The following TBC1D8B variants were observed in gnomAD, a reference collection of about 807,000 sequenced individuals.
The protein encoded by TBC1D8B is TBC1 domain family member 8B.
A neutral mutation model predicts 82.9 loss-of-function variants in TBC1D8B; 75 were observed. The ratio of observed to expected loss-of-function variants is 0.90; its 90% CI spans 0.75 to 1.10. TBC1D8B has a LOEUF of 1.10. TBC1D8B is among the 50% of genes least tolerant of loss of function. TBC1D8B has a pLI of 0.00. For synonymous variants in TBC1D8B, 276 were observed against 276.8 expected, an observed-to-expected ratio of 1.00 and a Z score of 0.03; for missense variants, 794 against 796.9, an observed-to-expected ratio of 1.00 and a Z score of 0.04.
At chrX:106,869,578 G>T (rs771674159) in intron 19 of TBC1D8B, 37 bp downstream of exon 19, 7 of 1,104,028 alleles carry the variant, frequency 6.3e-6, no homozygotes, top group Non-Finnish European at 8.7e-6. Flanking sequence ...AATTTATTTA[G>T]TTATTTTTAT....
chrX:106,820,623 A>G (rs1010569476), intron 2 of TBC1D8B, among the ~76,000 whole-genome samples: 2 of 111,348 alleles, frequency 1.8e-5, no homozygotes, highest in Non-Finnish European at 3.8e-5. Context: ...TCAGAATTTT[A>G]TATATTTTCT....
At chrX:106,807,959 A>G (rs1931246560) in intron 1 of TBC1D8B, among the ~76,000 whole-genome samples, 3 of 110,588 alleles carry the variant, frequency 2.7e-5, no homozygotes, top group South Asian at 7.9e-4. Context: ...AGGCTAAGGC[A>G]GGAGAATCAC....
At chrX:106,834,275 C>T (rs1932114937) in intron 7 of TBC1D8B, among the ~76,000 whole-genome samples, 1 of 111,184 alleles carries the variant, frequency 9.0e-6, no homozygotes, top group Non-Finnish European at 1.9e-5. Context: ...AAAATGAGTG[C>T]TGAGCGAAGG....
intron 11 of TBC1D8B, chrX:106,849,277 C>T (rs1932537534): frequency 9.2e-7 from 1 of 1,084,579 alleles, no homozygotes; most frequent in East Asian, 3.5e-5. Flanking sequence ...AGTAAGAATC[C>T]AAGGACAATG....
intron 4 of TBC1D8B, 93 bp downstream of exon 4, chrX:106,822,295 G>T: frequency 7.2e-6 from 5 of 695,826 alleles, no homozygotes; most frequent in East Asian, 3.5e-5. Flanking sequence ...TAATAGGATT[G>T]ATATTAAAGG....
chrX:106,822,176 T>C lies in TBC1D8B; in HGVS notation c.560T>C (p.Phe187Ser), dbSNP rs1439429149. The C allele has an allele frequency of 8.3e-7, 1 of 1,202,979 alleles. No individual in the cohort carries two copies. The highest frequency in any genetic ancestry group is 2.3e-5 in the Admixed American group (1 of 44,323). The change falls in exon 4 of 21, where the codon TTC (phenylalanine) becomes TCC (serine). Residue 187 changes from phenylalanine to serine, a missense_variant. By Grantham distance (155) the Phe-to-Ser change is radical. Coordinates refer to ENST00000357242, the MANE Select transcript of TBC1D8B (RefSeq NM_017752.3). ...WLYLSTNFLS[F>S]YSFLLGSEIK... ...TATCTTAGCACCAACTTTCTGAGCT[T>C]CTATTCTTTTTTGTTGGGATCAGAA...
intron 1 of TBC1D8B, chrX:106,814,507 C>T (rs1477915767): frequency 3.8e-5 from 4 of 106,432 alleles, no homozygotes; most frequent in Admixed American, 3.0e-4. Flanking sequence ...AATAAACATA[C>T]GTGTGCATGT....
At chrX:106,843,389 A>G (rs564618018) in intron 10 of TBC1D8B, among the ~76,000 whole-genome samples, 78 of 111,741 alleles carry the variant, frequency 7.0e-4, no homozygotes, top group South Asian at 4.1e-3. Flanking sequence ...TGTATGTACA[A>G]GGATTCTAAT....
chrX:106,824,602 T>G (rs1931785823), intron 5 of TBC1D8B, among the ~76,000 whole-genome samples: 1 of 111,638 alleles, frequency 9.0e-6, no homozygotes. Context: ...TTCATTTCTT[T>G]ATTGGCAACC....
At position 106,871,953 on chromosome X, in the gene TBC1D8B, C is replaced by T. The variant is rs142069930; in HGVS notation, c.2967+1140C>T. ...GTGGAGTTGGGGTGCACCACCCTCC[C>T]GGCATGAGGATGAGTTCTTCTTTAC... On this transcript the variant is annotated intron_variant, in intron 20 of 20. Coordinates refer to ENST00000357242, the MANE Select transcript of TBC1D8B (RefSeq NM_017752.3). Among the ~76,000 whole-genome samples the T allele has an allele frequency of 2.3e-4, 26 of 111,330 alleles. No homozygotes were observed. The East Asian group carries it at 6.0e-3, about 25-fold the overall frequency.
At chrX:106,803,736 A>AC (rs1437507078) in intron 1 of TBC1D8B, among the ~76,000 whole-genome samples, 3 of 111,372 alleles carry the variant, frequency 2.7e-5, no homozygotes, top group African/African-American at 9.8e-5. Context: ...ACCCACCCTG[A>AC]CCCCAATTCT....
intron 14 of TBC1D8B, among the ~76,000 whole-genome samples, chrX:106,863,711 G>GCATTGCC (rs1932794979): frequency 8.9e-6 from 1 of 112,172 alleles, no homozygotes; most frequent in South Asian, 3.7e-4. Flanking sequence ...GCTCTAACAG[G>GCATTGCC]CATTGCCCAC....
intron 1 of TBC1D8B, among the ~76,000 whole-genome samples, chrX:106,805,681 CAA>C (rs1412934728): frequency 1.8e-5 from 2 of 111,974 alleles, no homozygotes; most frequent in Non-Finnish European, 3.8e-5. Flanking sequence ...AAGAAAGAAA[CAA>C]AGAGGTGCTT....
intron 1 of TBC1D8B, among the ~76,000 whole-genome samples, chrX:106,805,442 C>G (rs770093136): frequency 1.8e-5 from 2 of 110,694 alleles, no homozygotes; most frequent in East Asian, 5.7e-4. Context: ...TACCTCTATC[C>G]TGCCCACTCC....
At chrX:106,822,663 A>G (rs772385276) in intron 4 of TBC1D8B, among the ~76,000 whole-genome samples, 5 of 111,220 alleles carry the variant, frequency 4.5e-5, no homozygotes, top group African/African-American at 9.8e-5. Flanking sequence ...ATATAAAGAG[A>G]TAGATTTAAA....
chrX:106,820,492 C>T (rs369362879), intron 2 of TBC1D8B, among the ~76,000 whole-genome samples: 30 of 111,728 alleles, frequency 2.7e-4, no homozygotes, highest in East Asian at 2.5e-3. Context: ...ATAGACACAG[C>T]ACTAACTGCA....
intron 12 of TBC1D8B, 48 bp from the exon 13 acceptor site, chrX:106,853,473 A>T (rs1166917681): frequency 2.6e-6 from 3 of 1,153,323 alleles, no homozygotes; most frequent in Admixed American, 2.2e-5. Flanking sequence ...TCTCTGCTTT[A>T]ATAATGGTAG....
intron 7 of TBC1D8B, chrX:106,828,798 C>A (rs766796121): frequency 4.6e-4 from 50 of 109,249 alleles, no homozygotes; most frequent in Non-Finnish European, 7.8e-4. Context: ...ATCTCAAAAT[C>A]ATAAGAGCTA....
chrX:106,810,918 G>A (rs751652185), intron 1 of TBC1D8B, among the ~76,000 whole-genome samples: 3 of 111,292 alleles, frequency 2.7e-5, no homozygotes, highest in African/African-American at 9.8e-5. Context: ...TTTTTTGGTA[G>A]CAGTGGAAAG....
Sources: gnomAD v4.1 joint callset for allele counts (sites outside exome capture counted in the v4.1 genomes callset) on GRCh38, gnomAD v4.1.1 for gene constraint, MANE v1.5 for transcripts, NCBI Gene and HGNC (gene_info 2026-07-23, HGNC 2026-07-21) for gene names.